The following PSMC4 variants were observed in gnomAD, a reference collection of about 807,000 sequenced individuals.
PSMC4 encodes 26S proteasome regulatory subunit 6B.
In PSMC4, 13 loss-of-function variants were observed where a neutral mutation model predicts 48.4. The ratio of observed to expected loss-of-function variants is 0.27; its 90% confidence interval spans 0.18 to 0.43. PSMC4 has a LOEUF of 0.43. PSMC4 is among the 20% of genes least tolerant of loss of function. The pLI is 1.00. For missense variants in PSMC4, 262 were observed against 555.9 expected, an observed-to-expected ratio of 0.47 and a Z score of 5.32; for synonymous variants, 202 against 212.3, an observed-to-expected ratio of 0.95 and a Z score of 0.42.
At position 39,974,627 on chromosome 19, in the gene PSMC4, C is replaced by A; in HGVS notation, c.573C>A (p.Tyr191Ter). Residue 191 changes from tyrosine to a stop codon, truncating the protein, a stop_gained, in exon 5 of 11, where the codon TAC becomes TAA. Transcript: ENST00000157812. LOFTEE classifies it high-confidence loss of function. The surrounding 1 kb of genome is among the most constrained non-coding windows in gnomAD (Gnocchi z 5.5). ...VELPLTHFEL[Y>*]KQIGIDPPRG... is the part of the protein sequence containing the mutation. ...TCCCGCTCACGCATTTCGAGCTCTACAAGCAGGTGAGGCGGTGCAGGTGGC... is the reference window on the plus strand; with the variant it reads ...TCCCGCTCACGCATTTCGAGCTCTAAAAGCAGGTGAGGCGGTGCAGGTGGC... The A allele has an allele frequency of 6.2e-7, 1 of 1,614,040 alleles. No individual in the cohort carries two copies. Among genetic ancestry groups the A allele is most frequent in the Non-Finnish European group, 8.5e-7 (1 of 1,179,952 alleles).
chr19:39,980,855 A>AG lies in PSMC4; in HGVS notation c.1143+142dup, dbSNP rs751957256. ...ATCTCTCTCTTCCTCTACCATCACT[A>AG]GGGGTGGATAGTACAGGGGTAGTGT... is the stretch of plus-strand genomic sequence containing the variant. On this transcript the variant is annotated intron_variant, in intron 10 of 10. Coordinates refer to ENST00000157812, the MANE Select transcript of PSMC4 (RefSeq NM_006503.4). This position sits in a 1 kb window ranked among gnomAD's most constrained non-coding sequence, Gnocchi z 4.8. 3.8e-5 allele frequency: 32 copies of AG among 842,616 alleles called. No homozygotes were observed. The highest frequency in any genetic ancestry group is 5.4e-5 in the African/African-American group (3 of 55,622). 52.2% of individuals were successfully genotyped at this position (842,616 alleles called of 1,614,324 possible).
Position 39,974,401 on chromosome 19 carries a change from C to T in PSMC4, c.430C>T (p.Pro144Ser). The T allele has an allele frequency of 6.2e-7, 1 of 1,614,008 alleles. No homozygotes were observed. The highest frequency in any genetic ancestry group is 1.7e-5 in the Admixed American group (1 of 60,000). The change falls in exon 4 of 11, where the codon CCC becomes TCC. Residue 144 changes from proline to serine, a missense_variant. By Grantham distance (74) the Pro-to-Ser change is moderately conservative. Transcript: ENST00000157812. This position sits in a 1 kb window ranked among gnomAD's most constrained non-coding sequence, Gnocchi z 5.5. ...KHSNALVDVLPPEADSSIMML... is the reference protein window; with the variant it reads ...KHSNALVDVLSPEADSSIMML... ...CAGCAATGCACTGGTGGACGTGCTG[C>T]CCCCCGAAGCCGACAGCAGCATCAT...
At position 39,981,495 on chromosome 19, in the gene PSMC4, G is replaced by T; in HGVS notation, c.*190G>T. The T allele has an allele frequency of 1.9e-6, 1 of 537,130 alleles. No homozygotes were observed. Among genetic ancestry groups the T allele is most frequent in the South Asian group, 2.2e-5 (1 of 46,496 alleles). 33.3% of individuals were successfully genotyped at this position (537,130 alleles called of 1,614,324 possible). On this transcript the variant is annotated 3_prime_UTR_variant, in exon 11 of 11. Coordinates refer to ENST00000157812, the MANE Select transcript of PSMC4 (RefSeq NM_006503.4). ...TTTGGAGAATGTGGGCCTTGAATAGGATCCTCTGGGTCCCTCTTAATCTGA... is the reference window on the plus strand; with the variant it reads ...TTTGGAGAATGTGGGCCTTGAATAGTATCCTCTGGGTCCCTCTTAATCTGA...
At chr19:39,975,741 G>A (rs539535623) in intron 6 of PSMC4, among the ~76,000 whole-genome samples, 1 of 152,246 alleles carries the variant, frequency 6.6e-6, no homozygotes, top group East Asian at 1.9e-4. Flanking sequence ...AAAGCATCTG[G>A]AATGGGCAAT....
At chr19:39,972,702 T>C (rs997986854) in intron 3 of PSMC4, 147 bp downstream of exon 3, 7 of 509,116 alleles carry the variant, frequency 1.4e-5, no homozygotes, top group Admixed American at 1.0e-4. Context: ...TACATACATA[T>C]ATATATATAT....
chr19:39,980,192 G>A lies in PSMC4; in HGVS notation c.918+46G>A. The A allele has an allele frequency of 1.9e-6, 3 of 1,613,644 alleles. No homozygotes were observed. Among genetic ancestry groups the A allele is most frequent in the Middle Eastern group, 1.7e-4 (1 of 6,060 alleles). ...AAGGGGAGGTGTGGTGTAGGAACTG[G>A]GGAAAGTTGGGGGCTGGCACCTAAG... On this transcript the variant is annotated intron_variant, in intron 8 of 10. Transcript: ENST00000157812. The surrounding 1 kb of genome is among the most constrained non-coding windows in gnomAD (Gnocchi z 4.8).
intron 6 of PSMC4, among the ~76,000 whole-genome samples, chr19:39,976,034 A>T (rs964972429): frequency 6.6e-6 from 1 of 151,942 alleles, no homozygotes; most frequent in Non-Finnish European, 1.5e-5. Flanking sequence ...GGATCACGAG[A>T]TCAGGAGATC....
Position 39,979,836 on chromosome 19 carries a change from G to C in PSMC4, c.693G>C (p.Val231=), listed in dbSNP as rs762575267. 6.2e-7 allele frequency: 1 copy of C among 1,613,698 alleles called. No homozygotes were observed. The highest frequency in any genetic ancestry group is 8.5e-7 in the Non-Finnish European group (1 of 1,179,702). The part of the protein sequence containing the change: ...HHTTAAFIRV[V]GSEFVQKYLG... ...CATCAGCTGCATTCATCCGGGTCGT[G>C]GGCTCGGAGTTTGTACAGAAGTATC... Residue 231 remains valine, a synonymous_variant, in exon 7 of 11, where the codon GTG becomes GTC. Transcript: ENST00000157812.
intron 6 of PSMC4, chr19:39,979,591 A>T: frequency 2.6e-6 from 1 of 379,810 alleles, no homozygotes; most frequent in Non-Finnish European, 4.6e-6. Flanking sequence ...CACATTTGTA[A>T]GGATGATTCA....
At chr19:39,972,311 C>T in intron 2 of PSMC4, 58 bp from the exon 3 acceptor site, 1 of 1,610,066 alleles carries the variant, frequency 6.2e-7, no homozygotes, top group African/African-American at 1.3e-5. Flanking sequence ...CCACTTTCCA[C>T]CACTCTCTGG....
chr19:39,979,898 G>A lies in PSMC4; in HGVS notation c.755G>A (p.Arg252His), dbSNP rs1428488237. 3.7e-6 allele frequency: 6 copies of A among 1,613,964 alleles called. No individual in the cohort carries two copies. Among genetic ancestry groups the A allele is most frequent in the Non-Finnish European group, 5.1e-6 (6 of 1,180,022 alleles). The change falls in exon 7 of 11, where the codon CGC becomes CAC. Residue 252 changes from arginine to histidine, a missense_variant. Coordinates refer to ENST00000157812, the MANE Select transcript of PSMC4 (RefSeq NM_006503.4). ...EGPRMVRDVF[R>H]LAKENAPAII... Reference sequence around the variant, plus strand: ...CCCCGCATGGTCCGGGATGTGTTCCGCCTGGCCAAGGAGAATGCACCTGCC... The same window carrying A: ...CCCCGCATGGTCCGGGATGTGTTCCACCTGGCCAAGGAGAATGCACCTGCC...
chr19:39,980,746 G>T lies in PSMC4; in HGVS notation c.1143+29G>T. 1 of 1,608,036 alleles carries T rather than the reference G, an allele frequency of 6.2e-7. No individual in the cohort carries two copies. Among genetic ancestry groups the T allele is most frequent in the Non-Finnish European group, 8.5e-7 (1 of 1,174,576 alleles). ...AGTGGTGGTTTCTCTCTGGATCCAG[G>T]CAGCGGGTGTGTGAGGACCCTTCTT... On this transcript the variant is annotated intron_variant, in intron 10 of 10. Coordinates refer to ENST00000157812, the MANE Select transcript of PSMC4 (RefSeq NM_006503.4). The surrounding 1 kb of genome is among the most constrained non-coding windows in gnomAD (Gnocchi z 4.8).
In PSMC4 at chr19:39,980,697, A is replaced by C; in HGVS notation, c.1123A>C (p.Ile375Leu). 1 of 1,614,082 alleles carries C rather than the reference A, an allele frequency of 6.2e-7. No homozygotes were observed. Among genetic ancestry groups the C allele is most frequent in the Non-Finnish European group, 8.5e-7 (1 of 1,179,984 alleles). ...ARPDKISGADINSICQESGML... is the reference protein window; with the variant it reads ...ARPDKISGADLNSICQESGML... The stretch of plus-strand genomic sequence containing the variant: ...GCCAGATAAGATTTCAGGAGCTGAT[A>C]TTAACTCCATCTGTCAGGAGGTAAG... The change falls in exon 10 of 11, where the codon ATT becomes CTT. Residue 375 changes from isoleucine (I) to leucine (L), a missense_variant. Coordinates refer to ENST00000157812, the MANE Select transcript of PSMC4 (RefSeq NM_006503.4). This position sits in a 1 kb window ranked among gnomAD's most constrained non-coding sequence, Gnocchi z 4.8.
In PSMC4 at chr19:39,974,168, G is replaced by A; in HGVS notation, c.323-126G>A. 2 of 1,181,736 alleles carry A rather than the reference G, an allele frequency of 1.7e-6. No individual in the cohort carries two copies. Among genetic ancestry groups the A allele is most frequent in the South Asian group, 2.9e-5 (2 of 68,242 alleles). The allele number at this position is 1,181,736 out of a possible 1,614,324, so 73.2% of individuals were successfully genotyped here. A position where few individuals can be genotyped will look rare whatever the true frequency, so the allele number is the denominator to read the frequency against. On this transcript the variant is annotated intron_variant, in intron 3 of 10. Transcript: ENST00000157812. The surrounding 1 kb of genome is among the most constrained non-coding windows in gnomAD (Gnocchi z 5.5). ...GGACGGACAGCAGGAGGGAAGGCTG[G>A]AGGCCGAGAGGGGACCCCTCAGGGT...
In PSMC4 at chr19:39,971,232, G is replaced by A; in HGVS notation, c.30G>A (p.Lys10=). 6.2e-7 allele frequency: 1 copy of A among 1,614,236 alleles called. No homozygotes were observed. Among genetic ancestry groups the A allele is most frequent in the Non-Finnish European group, 8.5e-7 (1 of 1,180,034 alleles). The change falls in exon 1 of 11, where the codon AAG becomes AAA. Residue 10 remains lysine (K), a synonymous_variant. Coordinates refer to ENST00000157812, the MANE Select transcript of PSMC4 (RefSeq NM_006503.4). ...AGGAGATAGGCATCTTGGTGGAGAA[G>A]GCTCAGGTACAGTGGGGACTTGGGC... is the stretch of plus-strand genomic sequence containing the variant. MEEIGILVE[K]AQDEIPALSV... is the part of the protein sequence containing the mutation.
chr19:39,979,583 C>A, intron 6 of PSMC4: 1 of 351,364 alleles, frequency 2.8e-6, no homozygotes, highest in Non-Finnish European at 5.0e-6. Flanking sequence ...AAAAGTGACA[C>A]ATTTGTAAGG....
chr19:39,971,562 G>A (rs1971102308), intron 1 of PSMC4, among the ~76,000 whole-genome samples: 1 of 152,180 alleles, frequency 6.6e-6, no homozygotes, highest in Non-Finnish European at 1.5e-5. Flanking sequence ...AGTGATATAT[G>A]GGATCCCGCC....
Position 39,971,242 on chromosome 19 carries a change from C to T in PSMC4, c.36+4C>T, listed in dbSNP as rs761110042. ...CATCTTGGTGGAGAAGGCTCAGGTA[C>T]AGTGGGGACTTGGGCTTTTTAGTCC... On this transcript the variant is annotated splice_donor_region_variant and intron_variant, in intron 1 of 10. Transcript: ENST00000157812. 4 of 1,614,166 alleles carry T rather than the reference C, an allele frequency of 2.5e-6. No homozygotes were observed. The highest frequency in any genetic ancestry group is 1.7e-5 in the Admixed American group (1 of 60,024).
chr19:39,971,477 C>T (rs1439868413), intron 1 of PSMC4, among the ~76,000 whole-genome samples: 7 of 151,924 alleles, frequency 4.6e-5, no homozygotes. Context: ...GTCTTTGAGA[C>T]GGATTGATTT....
Sources: allele counts gnomAD v4.1 joint callset (sites outside exome capture counted in the v4.1 genomes callset), GRCh38; gene constraint gnomAD v4.1.1; non-coding constraint Gnocchi (gnomAD v3.1); transcripts MANE v1.5; gene names NCBI Gene and HGNC (gene_info 2026-07-23, HGNC 2026-07-21).